CTNNA1: variants seen among roughly 807,000 people sequenced by gnomAD.
CTNNA1 encodes catenin alpha-1.
CTNNA1 carries 37 observed loss-of-function variants against 98.4 expected under a neutral mutation model. That is an observed-to-expected ratio of 0.38 (90% CI 0.29 to 0.49). CTNNA1 has a LOEUF of 0.49. Among genes scored for constraint, CTNNA1 ranks in the 20% least tolerant of loss-of-function variants. The pLI, the probability that CTNNA1 is intolerant of heterozygous loss-of-function variation, is 0.95. For missense variants in CTNNA1, 761 were observed against 1,147.2 expected, an observed-to-expected ratio of 0.66 and a Z score of 4.86; for synonymous variants, 404 against 413.2, an observed-to-expected ratio of 0.98 and a Z score of 0.27.
At chr5:138,756,980 C>T (rs1356397886) in intron 1 of CTNNA1, among the ~76,000 whole-genome samples, 3 of 151,750 alleles carry the variant, frequency 2.0e-5, no homozygotes, top group Non-Finnish European at 2.9e-5. Context: ...GGGAGGATCA[C>T]TTGAAGCTAG....
intron 11 of CTNNA1, among the ~76,000 whole-genome samples, chr5:138,922,127 T>G (rs981628254): frequency 4.6e-4 from 70 of 152,348 alleles, no homozygotes; most frequent in African/African-American, 1.3e-3. Flanking sequence ...ACTGACATTC[T>G]GACATCTTTT....
Position 138,874,463 on chromosome 5 carries a change from G to T in CTNNA1, c.1063-11749G>T. On this transcript the variant is annotated intron_variant, in intron 7 of 17. Transcript: ENST00000302763. This position sits in a 1 kb window ranked among gnomAD's most constrained non-coding sequence, Gnocchi z 4.1. Reference sequence around the variant, plus strand: ...CTCGCAGCGGCATTTGGGTGGACACGCCATACCCAGGGCAGGCAGCATTTT... The same window carrying T: ...CTCGCAGCGGCATTTGGGTGGACACTCCATACCCAGGGCAGGCAGCATTTT... The T allele has an allele frequency of 6.2e-7, 1 of 1,613,274 alleles. No homozygotes were observed. Among genetic ancestry groups the T allele is most frequent in the South Asian group, 1.1e-5 (1 of 90,908 alleles).
At chr5:138,884,414 T>G (rs1753583632) in intron 7 of CTNNA1, among the ~76,000 whole-genome samples, 2 of 152,186 alleles carry the variant, frequency 1.3e-5, no homozygotes, top group South Asian at 4.1e-4. Flanking sequence ...TTAGTTAAAT[T>G]TCTCCTAAAT....
At chr5:138,773,997 C>G (rs1753824562) in intron 1 of CTNNA1, among the ~76,000 whole-genome samples, 1 of 152,164 alleles carries the variant, frequency 6.6e-6, no homozygotes, top group Non-Finnish European at 1.5e-5. Flanking sequence ...GATTCTCATG[C>G]CTCAGCCTCC....
At chr5:138,875,151 T>G in intron 7 of CTNNA1, 2 of 439,742 alleles carry the variant, frequency 4.5e-6, no homozygotes. Flanking sequence ...TGAATATAAG[T>G]TATTAAATTT....
chr5:138,824,819 A>G lies in CTNNA1; in HGVS notation c.858+20A>G. 1.9e-6 allele frequency: 3 copies of G among 1,605,254 alleles called. No individual in the cohort carries two copies. Among genetic ancestry groups the G allele is most frequent in the Non-Finnish European group, 2.6e-6 (3 of 1,172,406 alleles). On this transcript the variant is annotated intron_variant, in intron 6 of 17. Coordinates refer to ENST00000302763, the MANE Select transcript of CTNNA1 (RefSeq NM_001903.5). Reference sequence around the variant, plus strand: ...TTTGACGTAAGTTATGCTTGGGTGGAAATTTCCAGCTCTTGACCATCCCCC... The same window carrying G: ...TTTGACGTAAGTTATGCTTGGGTGGGAATTTCCAGCTCTTGACCATCCCCC...
At chr5:138,754,356 T>G (rs1163102738) in intron 1 of CTNNA1, 2 of 152,220 alleles carry the variant, frequency 1.3e-5, no homozygotes, top group Non-Finnish European at 2.9e-5. Flanking sequence ...AGCAGTGGCT[T>G]CCCAGTAATG....
At chr5:138,819,817 G>T (rs1759835228) in intron 5 of CTNNA1, among the ~76,000 whole-genome samples, 1 of 150,958 alleles carries the variant, frequency 6.6e-6, no homozygotes, top group Non-Finnish European at 1.5e-5. Flanking sequence ...CCCCAGTGTT[G>T]GAGGAGGGGC....
intron 6 of CTNNA1, among the ~76,000 whole-genome samples, 172 bp from the exon 7 acceptor site, chr5:138,827,343 A>G (rs916632410): frequency 6.6e-6 from 1 of 152,162 alleles, no homozygotes; most frequent in Non-Finnish European, 1.5e-5. Context: ...AGGAGTGATC[A>G]ACAGTAGGCC....
At chr5:138,803,665 C>T (rs571683264) in intron 3 of CTNNA1, among the ~76,000 whole-genome samples, 1 of 152,280 alleles carries the variant, frequency 6.6e-6, no homozygotes, top group East Asian at 1.9e-4. Flanking sequence ...CCACATTATT[C>T]CTGTGATTCC....
chr5:138,811,178 G>GA (rs1758712002), intron 4 of CTNNA1, among the ~76,000 whole-genome samples: 1 of 150,090 alleles, frequency 6.7e-6, no homozygotes, highest in South Asian at 2.1e-4. Flanking sequence ...TTGCCAGGCG[G>GA]AGGGTCTCCT....
rs1381510716 is a variant in CTNNA1 at position 138,812,322 on chromosome 5, A to T, written c.588+20A>T. 1 of 1,603,770 alleles carries T rather than the reference A, an allele frequency of 6.2e-7. No individual in the cohort carries two copies. Among genetic ancestry groups the T allele is most frequent in the Non-Finnish European group, 8.5e-7 (1 of 1,177,348 alleles). ...CAACAGGTACAGTCATGATTTGGGG[A>T]TATATTAAAGTTGTTCATTTTACTA... On this transcript the variant is annotated intron_variant, in intron 5 of 17. Coordinates refer to ENST00000302763, the MANE Select transcript of CTNNA1 (RefSeq NM_001903.5).
chr5:138,799,857 G>GATGTAT (rs1554081133), intron 3 of CTNNA1, among the ~76,000 whole-genome samples: 6 of 149,024 alleles, frequency 4.0e-5, no homozygotes, highest in Non-Finnish European at 8.9e-5. Flanking sequence ...AGTAGATGTA[G>GATGTAT]ATGTATGTAT....
chr5:138,855,089 C>T (rs1032199728), intron 7 of CTNNA1, among the ~76,000 whole-genome samples: 8 of 152,156 alleles, frequency 5.3e-5, no homozygotes, highest in Non-Finnish European at 1.2e-4. Context: ...CCCAGGCTGG[C>T]GTGCAGTAGC....
At chr5:138,863,631 A>G (rs190622144) in intron 7 of CTNNA1, among the ~76,000 whole-genome samples, 1 of 152,348 alleles carries the variant, frequency 6.6e-6, no homozygotes, top group Non-Finnish European at 1.5e-5. Flanking sequence ...TATGATTATC[A>G]TCAGCATTTT....
At chr5:138,829,288 A>C (rs941213898) in intron 7 of CTNNA1, among the ~76,000 whole-genome samples, 1 of 152,254 alleles carries the variant, frequency 6.6e-6, no homozygotes, top group Admixed American at 6.5e-5. Context: ...TAAAAGATGG[A>C]TATGTTGCAG....
intron 9 of CTNNA1, among the ~76,000 whole-genome samples, chr5:138,894,281 C>CTTTTTTTTTTTTT (rs539073038): frequency 1.6e-5 from 2 of 123,942 alleles, no homozygotes; most frequent in Non-Finnish European, 1.6e-5. Flanking sequence ...TTTTCTTTCT[C>CTTTTTTTTTTTTT]TTTTTTTTTT....
At chr5:138,802,363 G>A (rs2149708393) in intron 3 of CTNNA1, among the ~76,000 whole-genome samples, 1 of 152,186 alleles carries the variant, frequency 6.6e-6, no homozygotes, top group African/African-American at 2.4e-5. Flanking sequence ...TAGAGATGGG[G>A]TCTCACTTTG....
Position 138,810,210 on chromosome 5 carries a change from T to C in CTNNA1, c.468+6T>C. Reference sequence around the variant, plus strand: ...TACTTGTTCAGCTGAAAGTTGTAAGTATACAGGCCTATGTCTGTAATTTGT... The same window carrying C: ...TACTTGTTCAGCTGAAAGTTGTAAGCATACAGGCCTATGTCTGTAATTTGT... On this transcript the variant is annotated splice_donor_region_variant and intron_variant, in intron 4 of 17. Coordinates refer to ENST00000302763, the MANE Select transcript of CTNNA1 (RefSeq NM_001903.5). 3 of 1,612,496 alleles carry C rather than the reference T, an allele frequency of 1.9e-6. No individual in the cohort carries two copies. The highest frequency in any genetic ancestry group is 2.5e-6 in the Non-Finnish European group (3 of 1,178,572).
Sources: gnomAD v4.1 joint callset for allele counts (sites outside exome capture counted in the v4.1 genomes callset) on GRCh38, gnomAD v4.1.1 for gene constraint, Gnocchi (gnomAD v3.1) non-coding constraint, MANE v1.5 for transcripts, NCBI Gene and HGNC (gene_info 2026-07-23, HGNC 2026-07-21) for gene names.